HEATR4: variants seen among roughly 807,000 people sequenced by gnomAD.
HEATR4 encodes HEAT repeat-containing protein 4.
A neutral mutation model predicts 108.8 loss-of-function variants in HEATR4; 95 were observed. The observed-to-expected ratio is 0.87, with a 90% CI of 0.74 to 1.04. HEATR4 has a LOEUF of 1.04. Ranked by LOEUF, HEATR4 falls within the 50% of genes least tolerant of loss-of-function variation. HEATR4 has a pLI of 0.00. For missense variants in HEATR4, 1,152 were observed against 1,253.8 expected, an observed-to-expected ratio of 0.92 and a Z score of 1.23; for synonymous variants, 443 against 459.4, an observed-to-expected ratio of 0.96 and a Z score of 0.46.
Position 73,514,153 on chromosome 14 carries a change from T to C in HEATR4, c.1292A>G (p.Lys431Arg). The part of the protein sequence containing the change: ...AKDMLLQVGE[K>R]DVPIKTRRLK... ...TCTCCTGGTCTTAATAGGCACATCCTTCTCACCCACCTGCAGCAGCATATC... is the reference window on the plus strand; with the variant it reads ...TCTCCTGGTCTTAATAGGCACATCCCTCTCACCCACCTGCAGCAGCATATC... The change falls in exon 6 of 18, where the codon AAG becomes AGG. Residue 431 changes from lysine to arginine, a missense_variant. Transcript: ENST00000553558. 1 of 1,614,184 alleles carries C rather than the reference T, an allele frequency of 6.2e-7. No homozygotes were observed. Among genetic ancestry groups the C allele is most frequent in the South Asian group, 1.1e-5 (1 of 91,078 alleles).
At chr14:73,559,288 A>T (rs531241297), upstream of HEATR4, among the ~76,000 whole-genome samples, 2 of 151,396 alleles carry the variant, frequency 1.3e-5, no homozygotes, top group Non-Finnish European at 3.0e-5. Context: ...TGCCCCACTA[A>T]TTGTACTTTT....
chr14:73,605,556 CTTTTTTTTTTTTTTT>C, the HEATR4 span, among the ~76,000 whole-genome samples: 2 of 56,912 alleles, frequency 3.5e-5, no homozygotes, highest in Non-Finnish European at 7.4e-5. Flanking sequence ...CTGTAAGATT[CTTTTTTTTTTTTTTT>C]TTTTTTTTTT....
intron 6 of HEATR4, among the ~76,000 whole-genome samples, chr14:73,513,737 A>G (rs1446774535): frequency 6.8e-6 from 1 of 146,196 alleles, no homozygotes; most frequent in East Asian, 2.0e-4. Context: ...CCAAAAAAAA[A>G]AAAAAAAAAA....
chr14:73,559,402 G>A (rs959766140), upstream of HEATR4, among the ~76,000 whole-genome samples: 5 of 151,806 alleles, frequency 3.3e-5, no homozygotes, highest in Non-Finnish European at 7.4e-5. Flanking sequence ...TTGCAACTGT[G>A]AGCCACCACA....
chr14:73,594,788 C>T, the HEATR4 span, among the ~76,000 whole-genome samples: 1 of 152,136 alleles, frequency 6.6e-6, no homozygotes, highest in Admixed American at 6.5e-5. Flanking sequence ...GCAACCTCCG[C>T]CTCCTGGGCT....
At chr14:73,491,306 T>G in intron 17 of HEATR4, 1 of 1,528,500 alleles carries the variant, frequency 6.5e-7, no homozygotes, top group Non-Finnish European at 8.8e-7. Flanking sequence ...GCGAGAGCCA[T>G]ACGGCCACCT....
chr14:73,524,931 C>T (rs1205361792), intron 2 of HEATR4, among the ~76,000 whole-genome samples: 1 of 152,142 alleles, frequency 6.6e-6, no homozygotes, highest in Non-Finnish European at 1.5e-5. Flanking sequence ...GCCTCTCTCC[C>T]TAGGGCATGA....
chr14:73,604,826 C>T, the HEATR4 span, among the ~76,000 whole-genome samples: 1 of 152,130 alleles, frequency 6.6e-6, no homozygotes, highest in African/African-American at 2.4e-5. Flanking sequence ...CAGGGTGGAG[C>T]CCTTCAAGAA....
At position 73,486,874 on chromosome 14, in the gene HEATR4, T is replaced by C. The variant is rs151011937; in HGVS notation, c.2844+6192A>G. 1.3e-4 allele frequency among the ~76,000 whole-genome samples: 20 copies of C among 152,326 alleles called. No individual in the cohort carries two copies. The East Asian group carries it at 3.9e-3, about 29-fold the overall frequency. ...TTTGGGGTACTTTCCTGATAGGCTT[T>C]AAATCATACTATGTACACTTAAACA... On this transcript the variant is annotated intron_variant, in intron 17 of 17. Transcript: ENST00000553558.
At chr14:73,597,098 T>TTTA in the HEATR4 span, among the ~76,000 whole-genome samples, 7 of 107,380 alleles carry the variant, frequency 6.5e-5, no homozygotes, top group East Asian at 1.2e-3. Flanking sequence ...TTATTTATTT[T>TTTA]TTTGAGATAG....
At chr14:73,620,768 A>C in the HEATR4 span, among the ~76,000 whole-genome samples, 1 of 151,538 alleles carries the variant, frequency 6.6e-6, no homozygotes, top group Non-Finnish European at 1.5e-5. Context: ...GGGTTTCACC[A>C]TGTTGGCCAG....
chr14:73,610,782 G>A, the HEATR4 span, among the ~76,000 whole-genome samples: 4 of 152,310 alleles, frequency 2.6e-5, no homozygotes, highest in East Asian at 3.9e-4. Flanking sequence ...AGCATAGAAC[G>A]TGCTGGGAAT....
At chr14:73,566,649 T>C in the HEATR4 span, among the ~76,000 whole-genome samples, 1 of 151,986 alleles carries the variant, frequency 6.6e-6, no homozygotes, top group East Asian at 1.9e-4. Flanking sequence ...ACCAAGCCCA[T>C]GCCCACCTGG....
intron 1 of HEATR4, among the ~76,000 whole-genome samples, chr14:73,556,221 C>T (rs1566854434): frequency 9.0e-6 from 1 of 111,590 alleles, no homozygotes. Context: ...GTCAGCAGTT[C>T]AAGAGCAGCA....
At chr14:73,630,058 A>G in the HEATR4 span, among the ~76,000 whole-genome samples, 1 of 151,486 alleles carries the variant, frequency 6.6e-6, no homozygotes, top group African/African-American at 2.4e-5. Context: ...AAAAAATTTA[A>G]AAAAAAAAGA....
the HEATR4 span, among the ~76,000 whole-genome samples, chr14:73,599,251 C>T: frequency 6.6e-6 from 1 of 152,108 alleles, no homozygotes; most frequent in Non-Finnish European, 1.5e-5. Flanking sequence ...TGATGTCCCT[C>T]TCAAGCCCTG....
chr14:73,621,038 C>T, the HEATR4 span, among the ~76,000 whole-genome samples: 212 of 151,968 alleles, frequency 1.4e-3, 1 homozygote, highest in African/African-American at 4.3e-3. Context: ...ATGATGAAAC[C>T]TAGTGTCTAC....
At chr14:73,581,217 T>A in the HEATR4 span, 1 of 151,720 alleles carries the variant, frequency 6.6e-6, no homozygotes, top group Non-Finnish European at 1.5e-5. Context: ...GGGTAATTTA[T>A]AAACAACAGA....
chr14:73,511,520 AAAATAAAT>A (rs548747393), intron 7 of HEATR4, among the ~76,000 whole-genome samples: 13,861 of 141,560 alleles, frequency 0.098, 818 homozygotes, highest in South Asian at 0.17. Context: ...CTCTGTCTCA[AAAATAAAT>A]AAATAAATAA....
Sources: gnomAD v4.1 joint callset for allele counts (sites outside exome capture counted in the v4.1 genomes callset) on GRCh38, gnomAD v4.1.1 for gene constraint, MANE v1.5 for transcripts, NCBI Gene and HGNC (gene_info 2026-07-23, HGNC 2026-07-21) for gene names.